The following PLA2R1 variants were observed in gnomAD, a reference collection of about 807,000 sequenced individuals.
PLA2R1 encodes the protein phospholipase A2 receptor 1, also known as secretory phospholipase A2 receptor.
In PLA2R1, 158 loss-of-function variants were observed where a neutral mutation model predicts 195.9. The ratio of observed to expected loss-of-function variants is 0.81; its 90% confidence interval spans 0.71 to 0.92. The LOEUF (loss-of-function observed/expected upper bound fraction) is 0.92. Ranked by LOEUF, PLA2R1 falls within the 40% of genes least tolerant of loss-of-function variation. The pLI is 0.00. For synonymous variants in PLA2R1, 586 were observed against 598.2 expected (o/e 0.98, Z 0.30); for missense variants, 1,626 against 1,764.6 (o/e 0.92, Z 1.41).
chr2:159,982,606 C>A (rs191700442), intron 13 of PLA2R1, among the ~76,000 whole-genome samples: 1 of 152,332 alleles, frequency 6.6e-6, no homozygotes, highest in East Asian at 1.9e-4. Flanking sequence ...CTGCAGAATG[C>A]TGCACAAGAC....
chr2:160,034,971 G>A (rs966482583), intron 3 of PLA2R1, among the ~76,000 whole-genome samples: 2 of 152,108 alleles, frequency 1.3e-5, no homozygotes, highest in African/African-American at 2.4e-5. Flanking sequence ...TCAATACTTT[G>A]TTTCATGCAC....
chr2:160,055,398 A>C (rs1337800415), intron 1 of PLA2R1, among the ~76,000 whole-genome samples: 2 of 152,236 alleles, frequency 1.3e-5, no homozygotes, highest in Non-Finnish European at 2.9e-5. Context: ...AGAATGGCTC[A>C]TTGCCTAGGG....
At chr2:159,956,740 C>A in intron 20 of PLA2R1, 113 bp from the exon 21 acceptor site, 2 of 660,880 alleles carry the variant, frequency 3.0e-6, no homozygotes, top group South Asian at 3.8e-5. Flanking sequence ...TTTTCTTGGG[C>A]AGAAAGAACT....
chr2:159,977,233 A>G (rs1427468989), intron 15 of PLA2R1, 51 bp downstream of exon 15: 1 of 1,397,722 alleles, frequency 7.2e-7, no homozygotes, highest in East Asian at 2.3e-5. Context: ...GGAAAGTACT[A>G]GAGATTATTA....
chr2:160,016,707 T>C lies in PLA2R1; in HGVS notation c.1458A>G (p.Gly486=). The change falls in exon 9 of 30, where the codon GGA becomes GGG. Residue 486 remains glycine (G), a synonymous_variant. Transcript: ENST00000283243. ...CTTCACAATTTTTGACTTTCCAGTG[T>C]CCCTCCTACGGAGAAAAATGTTACA... ...QLCVSAEQSE[G]HWKVKNCEER... The C allele has an allele frequency of 6.5e-7, 1 of 1,547,240 alleles. No homozygotes were observed. The highest frequency in any genetic ancestry group is 8.9e-7 in the Non-Finnish European group (1 of 1,119,280).
In PLA2R1 at chr2:159,987,262, T is replaced by C. The variant is rs961041464; in HGVS notation, c.1931A>G (p.Lys644Arg). The C allele has an allele frequency of 6.2e-7, 1 of 1,613,478 alleles. No homozygotes were observed. The highest frequency in any genetic ancestry group is 1.3e-5 in the African/African-American group (1 of 74,918). Residue 644 changes from lysine (K) to arginine (R), a missense_variant, in exon 12 of 30, where the codon AAG (lysine) becomes AGG (arginine). Physicochemically the swap from Lys to Arg is conservative, Grantham distance 26. Transcript: ENST00000283243. ...TTTTTCCTGATTTTCAACTGGCTGC[T>C]TGCACAAGGACATTGCCTTAAAGTG... The part of the protein sequence containing the change: ...CRHFKAMSLC[K>R]QPVENQEKAE...
chr2:160,022,379 GT>G (rs144089966), intron 7 of PLA2R1, among the ~76,000 whole-genome samples: 1,811 of 151,986 alleles, frequency 0.012, 40 homozygotes, highest in African/African-American at 0.041. Context: ...TAAATTACAG[GT>G]TTAGGTTTTT....
chr2:160,029,446 C>T (rs752100286), intron 4 of PLA2R1, among the ~76,000 whole-genome samples: 7 of 151,952 alleles, frequency 4.6e-5, no homozygotes, highest in Non-Finnish European at 8.8e-5. Context: ...CAGAGTGTCT[C>T]GGGGGATCCC....
intron 1 of PLA2R1, among the ~76,000 whole-genome samples, chr2:160,049,791 A>G (rs1296676402): frequency 6.6e-6 from 1 of 152,172 alleles, no homozygotes; most frequent in Non-Finnish European, 1.5e-5. Context: ...ATGCCACTGC[A>G]CTCCAGCCTG....
At chr2:159,942,212 A>G in intron 28 of PLA2R1, 53 bp from the exon 29 acceptor site, 1 of 1,362,908 alleles carries the variant, frequency 7.3e-7, no homozygotes, top group East Asian at 2.3e-5. Flanking sequence ...TTCAGCAAAA[A>G]TATGTCATTA....
chr2:160,053,203 A>G (rs1341151251), intron 1 of PLA2R1, among the ~76,000 whole-genome samples: 5 of 151,992 alleles, frequency 3.3e-5, no homozygotes, highest in Admixed American at 6.6e-5. Context: ...TCATCTCTCT[A>G]TGCATATTTC....
chr2:159,967,562 C>A lies in PLA2R1; in HGVS notation c.2881G>T (p.Gly961Ter). ...TPKQHGTCPKGWLYFNYKCLL... is the reference protein window; with the variant it reads ...TPKQHGTCPK ...ACCTTATAGTTAAAATATAGCCATCCTTTGGGACACGTTCCATGTTGTTTT... is the reference window on the plus strand; with the variant it reads ...ACCTTATAGTTAAAATATAGCCATCATTTGGGACACGTTCCATGTTGTTTT... The change falls in exon 20 of 30, where the codon GGA (glycine) becomes TGA (stop). Residue 961 changes from glycine to a stop codon, truncating the protein, a stop_gained. Coordinates refer to ENST00000283243, the MANE Select transcript of PLA2R1 (RefSeq NM_007366.5). LOFTEE classifies it high-confidence loss of function. The A allele has an allele frequency of 6.2e-7, 1 of 1,613,622 alleles. No homozygotes were observed. The highest frequency in any genetic ancestry group is 8.5e-7 in the Non-Finnish European group (1 of 1,179,720).
rs1694774460 is a variant in PLA2R1, at chr2:160,045,070, T to C, written c.197A>G (p.Gln66Arg). The change falls in exon 2 of 30, where the codon CAA becomes CGA. Residue 66 changes from glutamine (Q) to arginine (R), a missense_variant. Transcript: ENST00000283243. Reference sequence around the variant, plus strand: ...TTTCCACAGCATGTGCTTGTTTGCTTGCTTGCAGTTCTCCAGGGTCAGAAC... The same window carrying C: ...TTTCCACAGCATGTGCTTGTTTGCTCGCTTGCAGTTCTCCAGGGTCAGAAC... ...KSVLTLENCK[Q>R]ANKHMLWKWV... The C allele has an allele frequency of 1.2e-6, 2 of 1,614,188 alleles. No individual in the cohort carries two copies. Among genetic ancestry groups the C allele is most frequent in the East Asian group, 4.5e-5 (2 of 44,892 alleles).
In PLA2R1 at chr2:159,937,787, G is replaced by A. The variant is rs903874102; in HGVS notation, c.*3991C>T. 6.6e-6 allele frequency: 1 copy of A among 152,202 alleles called. No homozygotes were observed. The highest frequency in any genetic ancestry group is 1.5e-5 in the Non-Finnish European group (1 of 68,026). The allele number at this position is 152,202 out of a possible 1,614,324, so 9.4% of individuals were successfully genotyped here. A position where few individuals can be genotyped will look rare whatever the true frequency, so the allele number is the denominator to read the frequency against. On this transcript the variant is annotated 3_prime_UTR_variant, in exon 30 of 30. Transcript: ENST00000283243. ...ATGGGGCAAAATAACTCATTTCTAA[G>A]TCATCGCTTCAACTTTAACAGAAAA...
chr2:159,979,872 GTTTCT>G lies in PLA2R1; in HGVS notation c.2221_2225del (p.Arg741ProfsTer11). On this transcript the variant is annotated frameshift_variant, in exon 14 of 30. Coordinates refer to ENST00000283243, the MANE Select transcript of PLA2R1 (RefSeq NM_007366.5). LOFTEE classifies it high-confidence loss of function. ...ACTCCCATGAGCCGGCATTCAGTGG[GTTTCT>G]TTTATTAAATCCAATCCAGAACTGC... 6.2e-7 allele frequency: 1 copy of G among 1,608,298 alleles called. No homozygotes were observed. Among genetic ancestry groups the G allele is most frequent in the South Asian group, 1.1e-5 (1 of 90,874 alleles).
chr2:159,991,620 C>A (rs11693041), intron 11 of PLA2R1, among the ~76,000 whole-genome samples: 25,246 of 114,820 alleles, frequency 0.22, 2,873 homozygotes, highest in Admixed American at 0.39. Flanking sequence ...CCCCTCCCCC[C>A]ACCCCACAAC....
In PLA2R1 at chr2:159,979,348, G is replaced by C. The variant is rs562306403; in HGVS notation, c.2268+482C>G. On this transcript the variant is annotated intron_variant, in intron 14 of 29. Transcript: ENST00000283243. ...AACCAAGACTTTTTTTTTCCTTCTG[G>C]AATAACTTGCTCTAGAAGGTGATAT... Among the ~76,000 whole-genome samples, 17 of 152,118 alleles carry C rather than the reference G, an allele frequency of 1.1e-4. No homozygotes were observed. The South Asian group carries it at 3.5e-3, about 32-fold the overall frequency.
chr2:160,039,954 T>G (rs1414611743), intron 3 of PLA2R1, among the ~76,000 whole-genome samples: 1 of 151,846 alleles, frequency 6.6e-6, no homozygotes, highest in African/African-American at 2.4e-5. Context: ...TTGTAGTTTT[T>G]TTTTTGAAGT....
intron 11 of PLA2R1, among the ~76,000 whole-genome samples, chr2:159,996,362 G>A (rs191167712): frequency 6.6e-6 from 1 of 152,158 alleles, no homozygotes; most frequent in East Asian, 1.9e-4. Context: ...AATATTTCAT[G>A]CTACTTTCTT....
Sources: allele counts gnomAD v4.1 joint callset (sites outside exome capture counted in the v4.1 genomes callset), GRCh38; gene constraint gnomAD v4.1.1; transcripts MANE v1.5; gene names NCBI Gene and HGNC (gene_info 2026-07-23, HGNC 2026-07-21).